Variants in UNC5D observed in about 807,000 individuals in gnomAD.
UNC5D encodes the protein unc-5 netrin receptor D.
UNC5D carries 39 observed loss-of-function variants against 105.4 expected under a neutral mutation model. That is an observed-to-expected ratio of 0.37 (90% CI 0.29 to 0.48). The LOEUF is 0.48. Ranked by LOEUF, UNC5D falls within the 20% of genes least tolerant of loss-of-function variation. The pLI is 0.98. For missense variants in UNC5D, 991 were observed against 1,202.4 expected (o/e 0.82, Z 2.60); for synonymous variants, 452 against 450.4 (o/e 1.00, Z -0.04).
intron 4 of UNC5D, among the ~76,000 whole-genome samples, chr8:35,644,689 T>C (rs1038383456): frequency 6.6e-6 from 1 of 152,184 alleles, no homozygotes; most frequent in Non-Finnish European, 1.5e-5. Flanking sequence ...TTCATTGATA[T>C]AGAACACCTT....
intron 3 of UNC5D, among the ~76,000 whole-genome samples, chr8:35,574,674 T>C (rs1817971742): frequency 6.6e-6 from 1 of 152,208 alleles, no homozygotes. Context: ...AATGGCCCTC[T>C]GCTACCCACA....
At chr8:35,395,753 C>A (rs2128945160) in intron 1 of UNC5D, among the ~76,000 whole-genome samples, 1 of 152,300 alleles carries the variant, frequency 6.6e-6, no homozygotes, top group Non-Finnish European at 1.5e-5. Flanking sequence ...GCACAAAAAT[C>A]TGCAGGCACT....
intron 2 of UNC5D, among the ~76,000 whole-genome samples, chr8:35,557,905 G>A (rs1816665836): frequency 6.6e-6 from 1 of 152,092 alleles, no homozygotes; most frequent in South Asian, 2.1e-4. Context: ...GCCGAGGCGG[G>A]TGGATCACCT....
At chr8:35,499,104 GGA>G (rs1340342766) in intron 1 of UNC5D, among the ~76,000 whole-genome samples, 2 of 152,116 alleles carry the variant, frequency 1.3e-5, no homozygotes, top group Non-Finnish European at 2.9e-5. Flanking sequence ...AAGAGCTTGG[GGA>G]TTGGTTCAGA....
chr8:35,332,922 C>T (rs1810734565), intron 1 of UNC5D, among the ~76,000 whole-genome samples: 1 of 152,308 alleles, frequency 6.6e-6, no homozygotes, highest in South Asian at 2.1e-4. Context: ...CTTGATTGCT[C>T]TTCTGAGTGG....
intron 4 of UNC5D, among the ~76,000 whole-genome samples, chr8:35,668,053 G>T (rs544731743): frequency 6.6e-6 from 1 of 152,104 alleles, no homozygotes; most frequent in East Asian, 1.9e-4. Context: ...TACCAATTTC[G>T]ATTCATCAAA....
At chr8:35,679,440 A>C (rs138504732) in intron 4 of UNC5D, among the ~76,000 whole-genome samples, 1 of 152,172 alleles carries the variant, frequency 6.6e-6, no homozygotes, top group Non-Finnish European at 1.5e-5. Context: ...TTCAGGGCAG[A>C]GGAATCAGTA....
At chr8:35,256,223 T>C (rs1804064927) in intron 1 of UNC5D, 1 of 152,188 alleles carries the variant, frequency 6.6e-6, no homozygotes. Flanking sequence ...TTTGTATACT[T>C]GTTTGGGACA....
chr8:35,587,060 T>A (rs1283199852), intron 3 of UNC5D, among the ~76,000 whole-genome samples: 1 of 152,208 alleles, frequency 6.6e-6, no homozygotes, highest in Non-Finnish European at 1.5e-5. Context: ...CAGGTACTGC[T>A]GACTCTGGAT....
intron 1 of UNC5D, among the ~76,000 whole-genome samples, chr8:35,526,317 G>A (rs569300722): frequency 1.3e-5 from 2 of 152,212 alleles, no homozygotes; most frequent in South Asian, 2.1e-4. Flanking sequence ...TCCAGAAAGC[G>A]GCTCCCTGAG....
At chr8:35,526,816 A>G (rs1391924176) in intron 1 of UNC5D, among the ~76,000 whole-genome samples, 1 of 151,834 alleles carries the variant, frequency 6.6e-6, no homozygotes, top group Non-Finnish European at 1.5e-5. Context: ...AGAAATACCC[A>G]GTGTGTTTCA....
At chr8:35,420,645 T>C (rs1265071008) in intron 1 of UNC5D, among the ~76,000 whole-genome samples, 1 of 152,132 alleles carries the variant, frequency 6.6e-6, no homozygotes, top group Non-Finnish European at 1.5e-5. Context: ...TGCCTCCTAC[T>C]CTCCCCTTTG....
At chr8:35,485,524 G>A (rs1045009908) in intron 1 of UNC5D, among the ~76,000 whole-genome samples, 2 of 152,136 alleles carry the variant, frequency 1.3e-5, no homozygotes, top group Non-Finnish European at 2.9e-5. Context: ...CTGAAGCACA[G>A]ACAAGTGTTA....
At chr8:35,551,571 G>A (rs1185025813) in intron 2 of UNC5D, among the ~76,000 whole-genome samples, 2 of 152,124 alleles carry the variant, frequency 1.3e-5, no homozygotes, top group African/African-American at 4.8e-5. Flanking sequence ...TGTAATCCCA[G>A]CACTTTGGGA....
intron 2 of UNC5D, among the ~76,000 whole-genome samples, chr8:35,566,763 G>C (rs1325369886): frequency 6.6e-6 from 1 of 152,194 alleles, no homozygotes; most frequent in African/African-American, 2.4e-5. Flanking sequence ...ATCATGACAT[G>C]AGGCAATTAG....
At chr8:35,455,578 CA>C (rs1237476949) in intron 1 of UNC5D, among the ~76,000 whole-genome samples, 5 of 151,304 alleles carry the variant, frequency 3.3e-5, no homozygotes, top group Non-Finnish European at 4.4e-5. Context: ...CACACCAGGC[CA>C]AAGGTAGGAA....
At chr8:35,656,559 T>G (rs74715142) in intron 4 of UNC5D, among the ~76,000 whole-genome samples, 2 of 152,316 alleles carry the variant, frequency 1.3e-5, no homozygotes, top group African/African-American at 4.8e-5. Flanking sequence ...TTCTTCTTCC[T>G]CCTTAATTCT....
chr8:35,336,149 T>C (rs1336661778), intron 1 of UNC5D, among the ~76,000 whole-genome samples: 2 of 152,184 alleles, frequency 1.3e-5, no homozygotes, highest in East Asian at 3.9e-4. Flanking sequence ...TAAATATCTA[T>C]GTATATACGG....
At chr8:35,277,020 A>C (rs1332221656) in intron 1 of UNC5D, among the ~76,000 whole-genome samples, 1 of 152,180 alleles carries the variant, frequency 6.6e-6, no homozygotes, top group African/African-American at 2.4e-5. Flanking sequence ...GTTAATCACT[A>C]ATGTCTTTAG....
Sources: allele counts gnomAD v4.1 joint callset (sites outside exome capture counted in the v4.1 genomes callset), GRCh38; gene constraint gnomAD v4.1.1; transcripts MANE v1.5; gene names NCBI Gene and HGNC (gene_info 2026-07-23, HGNC 2026-07-21).